NAV2: variants seen among roughly 807,000 people sequenced by gnomAD.
NAV2 encodes helicase, APC down-regulated 1.
NAV2 carries 54 observed loss-of-function variants against 223.2 expected under a neutral mutation model. The observed-to-expected ratio is 0.24, with a 90% CI of 0.19 to 0.30. NAV2 has a LOEUF of 0.30. Ranked by LOEUF, NAV2 falls within the 10% of genes least tolerant of loss-of-function variation. The pLI is 1.00. For synonymous variants in NAV2, 1,279 were observed against 1,239.3 expected (o/e 1.03, Z -0.67); for missense variants, 2,806 against 3,147.5 (o/e 0.89, Z 2.60).
intron 1 of NAV2, among the ~76,000 whole-genome samples, chr11:19,395,457 G>T (rs1472258470): frequency 1.3e-5 from 2 of 152,214 alleles, no homozygotes; most frequent in East Asian, 1.9e-4. Context: ...GCCAGACATG[G>T]TTGAGGCCAC....
chr11:19,727,570 G>A (rs2051357995), intron 1 of NAV2, among the ~76,000 whole-genome samples: 7 of 152,224 alleles, frequency 4.6e-5, no homozygotes, highest in Admixed American at 3.9e-4. Flanking sequence ...AATCTAATCT[G>A]CCTGTGGAGG....
intron 1 of NAV2, among the ~76,000 whole-genome samples, chr11:19,513,286 G>C (rs1169309246): frequency 6.6e-6 from 1 of 152,226 alleles, no homozygotes; most frequent in African/African-American, 2.4e-5. Context: ...GAGACCCACA[G>C]GTGTTGAAAA....
At chr11:19,952,559 A>G (rs1233793590) in intron 10 of NAV2, among the ~76,000 whole-genome samples, 2 of 152,228 alleles carry the variant, frequency 1.3e-5, no homozygotes, top group African/African-American at 4.8e-5. Context: ...TAATATATCA[A>G]TCTGTACAGA....
intron 2 of NAV2, among the ~76,000 whole-genome samples, chr11:19,833,009 A>G (rs577137897): frequency 6.6e-6 from 1 of 152,268 alleles, no homozygotes; most frequent in Admixed American, 6.5e-5. Flanking sequence ...AATCCTGCCA[A>G]CTCTACTTGG....
intron 1 of NAV2, among the ~76,000 whole-genome samples, chr11:19,412,212 A>G (rs189884857): frequency 6.6e-6 from 1 of 152,248 alleles, no homozygotes; most frequent in East Asian, 1.9e-4. Flanking sequence ...TCTGAAGTTG[A>G]CCTGGGATGC....
chr11:19,700,015 C>T (rs1326726766), intron 1 of NAV2, among the ~76,000 whole-genome samples: 2 of 152,124 alleles, frequency 1.3e-5, no homozygotes, highest in Admixed American at 6.5e-5. Context: ...CACTTAGTGT[C>T]GTAGCAATGG....
chr11:19,683,787 A>G (rs867582486), intron 1 of NAV2, among the ~76,000 whole-genome samples: 3 of 152,262 alleles, frequency 2.0e-5, no homozygotes, highest in South Asian at 4.1e-4. Context: ...ACAAACCAGC[A>G]CAAGGACAAG....
chr11:19,688,040 T>C (rs1805745255), intron 1 of NAV2, among the ~76,000 whole-genome samples: 5 of 152,198 alleles, frequency 3.3e-5, no homozygotes, highest in Non-Finnish European at 5.9e-5. Flanking sequence ...ATCTGTCTTC[T>C]GGTTTCTTCA....
chr11:19,974,864 A>G (rs1415080938), intron 10 of NAV2, among the ~76,000 whole-genome samples: 1 of 152,214 alleles, frequency 6.6e-6, no homozygotes, highest in Non-Finnish European at 1.5e-5. Flanking sequence ...TAATCTCTTA[A>G]AAAGTAAAGT....
At chr11:20,071,806 T>C (rs141630676) in intron 22 of NAV2, among the ~76,000 whole-genome samples, 1 of 152,216 alleles carries the variant, frequency 6.6e-6, no homozygotes, top group Admixed American at 6.5e-5. Flanking sequence ...GTAAATTTGT[T>C]TAAGTTCTTT....
intron 9 of NAV2, among the ~76,000 whole-genome samples, chr11:19,948,163 G>A (rs1462159643): frequency 6.6e-6 from 1 of 151,936 alleles, no homozygotes; most frequent in Non-Finnish European, 1.5e-5. Flanking sequence ...TCAGCTCACT[G>A]CAACCTCAGC....
intron 1 of NAV2, among the ~76,000 whole-genome samples, chr11:19,764,224 A>G (rs1377370404): frequency 6.6e-6 from 1 of 152,206 alleles, no homozygotes; most frequent in Non-Finnish European, 1.5e-5. Flanking sequence ...ACCTTCCTGG[A>G]TTTTAACTGA....
rs555744873 is a variant in NAV2 at position 20,080,100 on chromosome 11, G to A, written c.5216G>A (p.Arg1739His). Residue 1739 changes from arginine (R) to histidine (H), a missense_variant, in exon 25 of 38, where the codon CGC (arginine) becomes CAC (histidine). By Grantham distance (29) the Arg-to-His change is conservative. This residue lies in a region of NAV2 where 824 missense variants were observed against 1,069.4 expected (regional missense o/e 0.77). Transcript: ENST00000349880. ...GTAQSADLRI[R>H]RQHSSDSVSS... ...GCCCAGTCTGCAGACCTCCGCATCC[G>A]CAGGCAGCACTCCTCAGACAGCGTC... 20 of 1,614,100 alleles carry A rather than the reference G, an allele frequency of 1.2e-5. No homozygotes were observed. Among genetic ancestry groups the A allele is most frequent in the Middle Eastern group, 1.7e-4 (1 of 6,024 alleles).
intron 31 of NAV2, among the ~76,000 whole-genome samples, chr11:20,099,834 T>A (rs1389152485): frequency 6.6e-6 from 1 of 152,078 alleles, no homozygotes; most frequent in Non-Finnish European, 1.5e-5. Context: ...GGTTTTTTCC[T>A]GTGTTTATTA....
intron 1 of NAV2, among the ~76,000 whole-genome samples, chr11:19,472,874 A>T (rs543871748): frequency 6.6e-6 from 1 of 152,336 alleles, no homozygotes; most frequent in Admixed American, 6.5e-5. Flanking sequence ...AGGATTCCCC[A>T]GCAGCTTGGC....
chr11:19,727,162 A>G lies in NAV2; in HGVS notation c.267+13200A>G, dbSNP rs12277835. On this transcript the variant is annotated intron_variant, in intron 1 of 37. Transcript: ENST00000349880. ...TATCTACTTGGTAGCTGCAGAGGGA[A>G]GGGAAACCCAGTCTTCAACCTGGGA... 5.5e-3 allele frequency among the ~76,000 whole-genome samples: 835 copies of G among 152,320 alleles called. 8 individuals are homozygous for G. Among genetic ancestry groups the G allele is most frequent in the African/African-American group, 0.019 (807 of 41,568 alleles).
chr11:20,007,921 T>A (rs1461131636), intron 11 of NAV2, among the ~76,000 whole-genome samples: 1 of 152,230 alleles, frequency 6.6e-6, no homozygotes, highest in African/African-American at 2.4e-5. Flanking sequence ...ACATTTTATG[T>A]TCACAAAAAC....
chr11:19,778,462 A>T (rs867901487), intron 1 of NAV2: 1 of 421,638 alleles, frequency 2.4e-6, no homozygotes, highest in Non-Finnish European at 4.7e-6. Context: ...TGGAATGCAT[A>T]CTTACTGGTG....
At chr11:19,551,289 C>G (rs1171869927) in intron 1 of NAV2, among the ~76,000 whole-genome samples, 2 of 152,280 alleles carry the variant, frequency 1.3e-5, no homozygotes, top group African/African-American at 4.8e-5. Flanking sequence ...TCTACGCAAA[C>G]AAGACCATAA....
Sources: allele counts gnomAD v4.1 joint callset (sites outside exome capture counted in the v4.1 genomes callset), GRCh38; gene constraint gnomAD v4.1.1; regional missense constraint gnomAD v4.1.1; transcripts MANE v1.5; gene names NCBI Gene and HGNC (gene_info 2026-07-23, HGNC 2026-07-21).